ROBO2: variants seen among roughly 807,000 people sequenced by gnomAD.
The protein encoded by ROBO2 is roundabout homolog 2.
ROBO2 carries 53 observed loss-of-function variants against 160.8 expected under a neutral mutation model. The observed-to-expected ratio is 0.33, with a 90% confidence interval of 0.26 to 0.41. ROBO2 has a LOEUF of 0.41. Among genes scored for constraint, ROBO2 ranks in the 10% least tolerant of loss-of-function variants. The pLI, the probability that ROBO2 is intolerant of heterozygous loss-of-function variation, is 1.00. For synonymous variants in ROBO2, 664 were observed against 611.7 expected (o/e 1.09, Z -1.26); for missense variants, 1,577 against 1,722.4 (o/e 0.92, Z 1.49).
Position 77,165,654 on chromosome 3 carries a change from T to C in ROBO2, c.388+67314T>C, listed in dbSNP as rs150450003. On this transcript the variant is annotated intron_variant, in intron 2 of 25. Coordinates refer to ENST00000461745, the Ensembl canonical transcript of ROBO2. ...CTCCTATATTTTTGTAAACTTTTAA[T>C]TGAAGTATAACATATATACAGAAAA... Among the ~76,000 whole-genome samples the C allele has an allele frequency of 1.6e-3, 243 of 152,250 alleles. 2 individuals carry two copies. Among genetic ancestry groups the C allele is most frequent in the Admixed American group, 8.5e-3 (130 of 15,298 alleles).
At chr3:76,941,426 C>T (rs1406402818) in intron 2 of ROBO2, among the ~76,000 whole-genome samples, 5 of 152,138 alleles carry the variant, frequency 3.3e-5, no homozygotes, top group African/African-American at 4.8e-5. Context: ...TTCACCTAGA[C>T]TCACAAGGTC....
At chr3:77,294,173 G>A (rs1264477856) in intron 2 of ROBO2, among the ~76,000 whole-genome samples, 1 of 143,060 alleles carries the variant, frequency 7.0e-6, no homozygotes, top group Non-Finnish European at 1.5e-5. Flanking sequence ...GCTGAGGCTA[G>A]ATCACCCCAG....
intron 2 of ROBO2, among the ~76,000 whole-genome samples, chr3:76,421,759 A>G (rs1394024671): frequency 6.6e-6 from 1 of 152,146 alleles, no homozygotes; most frequent in African/African-American, 2.4e-5. Flanking sequence ...TTGTCCATAC[A>G]ACATTATTCT....
chr3:76,563,236 C>T (rs1395050026), intron 2 of ROBO2, among the ~76,000 whole-genome samples: 4 of 152,132 alleles, frequency 2.6e-5, no homozygotes, highest in African/African-American at 9.7e-5. Flanking sequence ...TCATCAGACA[C>T]TCTGCACATC....
At chr3:77,343,283 C>T (rs1378857068) in intron 2 of ROBO2, among the ~76,000 whole-genome samples, 1 of 152,106 alleles carries the variant, frequency 6.6e-6, no homozygotes, top group Admixed American at 6.6e-5. Context: ...GAAGAGAGGA[C>T]TGAATTTTTC....
At chr3:76,614,685 TA>T (rs1237654329) in intron 2 of ROBO2, among the ~76,000 whole-genome samples, 1 of 152,118 alleles carries the variant, frequency 6.6e-6, no homozygotes, top group African/African-American at 2.4e-5. Flanking sequence ...ACATGCTGCA[TA>T]ATGCATGCGC....
At chr3:76,636,894 TATC>T (rs758562398) in intron 2 of ROBO2, among the ~76,000 whole-genome samples, 10 of 152,114 alleles carry the variant, frequency 6.6e-5, no homozygotes, top group Non-Finnish European at 1.3e-4. Flanking sequence ...ATAGTATTGA[TATC>T]AGCCAGGGTG....
intron 2 of ROBO2, among the ~76,000 whole-genome samples, chr3:76,579,117 T>C (rs567460712): frequency 6.6e-6 from 1 of 152,282 alleles, no homozygotes; most frequent in South Asian, 2.1e-4. Context: ...TTTTCTTTTA[T>C]ATTCTGCTAC....
chr3:77,088,929 G>T (rs1299303174), intron 1 of ROBO2, among the ~76,000 whole-genome samples: 2 of 152,060 alleles, frequency 1.3e-5, no homozygotes, highest in Non-Finnish European at 2.9e-5. Flanking sequence ...CTTTCTTTTA[G>T]ATATGTCTGT....
Position 76,565,371 on chromosome 3 carries a change from A to G in ROBO2, c.110-532643A>G, listed in dbSNP as rs145533570. 3.1e-3 allele frequency among the ~76,000 whole-genome samples: 475 copies of G among 152,328 alleles called. 3 individuals carry two copies. The highest frequency in any genetic ancestry group is 0.011 in the African/African-American group (467 of 41,582). The stretch of plus-strand genomic sequence containing the variant: ...ATTACTCAAAAATCTGTGTGTAGTC[A>G]CTGACATACGATAGCCACAGAATCT... On this transcript the variant is annotated intron_variant, in intron 2 of 26. Coordinates refer to the ROBO2 transcript ENST00000487694.
At chr3:76,842,824 A>T (rs1446253257) in intron 2 of ROBO2, among the ~76,000 whole-genome samples, 1 of 152,148 alleles carries the variant, frequency 6.6e-6, no homozygotes, top group African/African-American at 2.4e-5. Flanking sequence ...CTTTCCATAC[A>T]TTATGGAATT....
At chr3:77,054,527 C>T (rs1290575150) in intron 1 of ROBO2, among the ~76,000 whole-genome samples, 1 of 152,044 alleles carries the variant, frequency 6.6e-6, no homozygotes, top group African/African-American at 2.4e-5. Context: ...GTCGCATTTA[C>T]CACATTCCTG....
At chr3:76,321,846 C>A (rs1026400944) in intron 2 of ROBO2, among the ~76,000 whole-genome samples, 1 of 152,064 alleles carries the variant, frequency 6.6e-6, no homozygotes, top group Non-Finnish European at 1.5e-5. Context: ...ATTCTGTGTG[C>A]GTTACCTGGG....
Position 77,527,399 on chromosome 3 carries a change from A to G in ROBO2, c.934+4497A>G. 1 of 1,288,102 alleles carries G rather than the reference A, an allele frequency of 7.8e-7. No homozygotes were observed. Among genetic ancestry groups the G allele is most frequent in the Non-Finnish European group, 1.0e-6 (1 of 987,934 alleles). The allele number at this position is 1,288,102 out of a possible 1,614,324, so 79.8% of individuals were successfully genotyped here. On this transcript the variant is annotated intron_variant, in intron 6 of 25. Transcript: ENST00000461745. The stretch of plus-strand genomic sequence containing the variant: ...TTCTCACCACACCATTGTAATGTCT[A>G]CAGCTCGCCCTGTTGGTAAGTAGCC...
At chr3:76,436,180 A>ACACACACACACACACACC (rs1156673465) in intron 2 of ROBO2, among the ~76,000 whole-genome samples, 1 of 150,790 alleles carries the variant, frequency 6.6e-6, no homozygotes, top group Admixed American at 6.6e-5. Context: ...ACACACACAC[A>ACACACACACACACACACC]CCATTTCTTT....
At chr3:76,758,474 C>T (rs979849662) in intron 2 of ROBO2, among the ~76,000 whole-genome samples, 2 of 151,768 alleles carry the variant, frequency 1.3e-5, no homozygotes, top group East Asian at 3.9e-4. Flanking sequence ...CCTTATGTCT[C>T]ATTGATCTTT....
At chr3:76,959,005 C>A (rs1005066205) in intron 2 of ROBO2, among the ~76,000 whole-genome samples, 1 of 152,164 alleles carries the variant, frequency 6.6e-6, no homozygotes, top group Admixed American at 6.5e-5. Flanking sequence ...TAGGAAGATA[C>A]ATCTTCTGAA....
intron 2 of ROBO2, among the ~76,000 whole-genome samples, chr3:76,159,543 A>G (rs1486358455): frequency 1.3e-5 from 2 of 152,182 alleles, no homozygotes; most frequent in Non-Finnish European, 2.9e-5. Context: ...ACTTGTGTCA[A>G]ACATGGGACT....
rs773786584 is a variant in ROBO2, at chr3:77,558,021, C to T, written c.1309C>T (p.Leu437=). 8 of 1,613,208 alleles carry T rather than the reference C, an allele frequency of 5.0e-6. No individual in the cohort carries two copies. The Middle Eastern group carries it at 5.0e-4, about 100-fold the overall frequency. ...GCTGGCAGTGGATGGTACAGCGTTA[C>T]TGAAATGTAAAGCCACTGGTGATCC... Residue 437 remains leucine, a synonymous_variant, in exon 9 of 26, where the codon CTG becomes TTG. Transcript: ENST00000461745.
Sources: gnomAD v4.1 joint callset for allele counts (sites outside exome capture counted in the v4.1 genomes callset) on GRCh38, gnomAD v4.1.1 for gene constraint, MANE v1.5 for transcripts, NCBI Gene and HGNC (gene_info 2026-07-23, HGNC 2026-07-21) for gene names.